Variants in PADI4 observed in about 807,000 individuals in gnomAD.
The protein encoded by PADI4 is peptidyl arginine deiminase 4.
Under a neutral mutation model 75.0 loss-of-function variants are expected in PADI4, and 62 were observed. The observed-to-expected ratio is 0.83, with a 90% CI of 0.67 to 1.02. PADI4 has a LOEUF of 1.02. Ranked by LOEUF, PADI4 falls within the 50% of genes least tolerant of loss-of-function variation. The probability of loss-of-function intolerance (pLI) is 0.00; values close to 1 mark genes in which losing one functional copy is unlikely to be tolerated. For missense variants in PADI4, 845 were observed against 850.5 expected, an observed-to-expected ratio of 0.99 and a Z score of 0.08; for synonymous variants, 361 against 348.1, an observed-to-expected ratio of 1.04 and a Z score of -0.41.
rs2073708235 is a variant in PADI4 at position 17,308,305 on chromosome 1, A to C, written c.83A>C (p.Asp28Ala). ...GTGCTGGGCACCTTGACTCAGCTTGACATCTGCAGGTAAGAGGGGGGCCTT... is the reference window on the plus strand; with the variant it reads ...GTGCTGGGCACCTTGACTCAGCTTGCCATCTGCAGGTAAGAGGGGGGCCTT... ...VCVLGTLTQL[D>A]ICSSAPEDCT... is the part of the protein sequence containing the mutation. Residue 28 changes from aspartate (D) to alanine (A), a missense_variant, in exon 1 of 16, where the codon GAC becomes GCC. Coordinates refer to ENST00000375448, the MANE Select transcript of PADI4 (RefSeq NM_012387.3). 1 of 1,613,744 alleles carries C rather than the reference A, an allele frequency of 6.2e-7. No individual in the cohort carries two copies. Among genetic ancestry groups the C allele is most frequent in the Non-Finnish European group, 8.5e-7 (1 of 1,179,730 alleles).
chr1:17,363,731 C>T lies in PADI4; in HGVS notation c.1968C>T (p.Phe656=). 1 of 1,613,564 alleles carries T rather than the reference C, an allele frequency of 6.2e-7. No homozygotes were observed. The highest frequency in any genetic ancestry group is 1.1e-5 in the South Asian group (1 of 91,080). The change falls in exon 16 of 16, where the codon TTC becomes TTT. Residue 656 remains phenylalanine, a synonymous_variant. Coordinates refer to ENST00000375448, the MANE Select transcript of PADI4 (RefSeq NM_012387.3). ...ACGTGCGCAGAAAGCCCTTCTCCTT[C>T]AAGTGGTGGAACATGGTGCCCTGAG... The part of the protein sequence containing the change: ...GTNVRRKPFS[F]KWWNMVP
intron 10 of PADI4, among the ~76,000 whole-genome samples, chr1:17,352,232 A>T (rs1489308321): frequency 7.2e-6 from 1 of 139,386 alleles, no homozygotes; most frequent in Non-Finnish European, 1.5e-5. Context: ...CAGGGAAGAG[A>T]TGGGAGGTGG....
At chr1:17,349,166 C>T (rs960250072) in intron 10 of PADI4, among the ~76,000 whole-genome samples, 30 of 152,222 alleles carry the variant, frequency 2.0e-4, no homozygotes, top group African/African-American at 4.6e-4. Context: ...TTGGGGCGAA[C>T]CAGCCAGCTG....
At chr1:17,323,310 G>A (rs2074062967) in intron 1 of PADI4, among the ~76,000 whole-genome samples, 2 of 140,220 alleles carry the variant, frequency 1.4e-5, no homozygotes, top group Admixed American at 7.4e-5. Context: ...TATGACAGAA[G>A]TGATATTCCA....
intron 1 of PADI4, among the ~76,000 whole-genome samples, chr1:17,313,843 G>A (rs1292885960): frequency 1.3e-5 from 2 of 152,202 alleles, no homozygotes; most frequent in Admixed American, 1.3e-4. Flanking sequence ...GCTCTGGATG[G>A]TCTTATGATA....
At chr1:17,340,386 G>A (rs2074396352) in intron 6 of PADI4, among the ~76,000 whole-genome samples, 1 of 152,186 alleles carries the variant, frequency 6.6e-6, no homozygotes, top group Non-Finnish European at 1.5e-5. Flanking sequence ...GGGATGTGGA[G>A]TGAGGAGTGG....
intron 15 of PADI4, among the ~76,000 whole-genome samples, chr1:17,362,558 G>A (rs1001764358): frequency 6.6e-6 from 1 of 152,024 alleles, no homozygotes; most frequent in South Asian, 2.1e-4. Flanking sequence ...TGAGAGCGAG[G>A]TGAGGGCTGG....
intron 3 of PADI4, chr1:17,334,934 GAGTTTGAGACC>G (rs1402901581): frequency 4.4e-6 from 1 of 229,042 alleles, no homozygotes; most frequent in Non-Finnish European, 8.8e-6. Flanking sequence ...TTGAGCCCAG[GAGTTTGAGACC>G]AGCCTGGGCA....
chr1:17,360,295 A>G (rs1044775049), intron 15 of PADI4, among the ~76,000 whole-genome samples: 6 of 132,238 alleles, frequency 4.5e-5, no homozygotes, highest in East Asian at 2.0e-4. Context: ...TGTCTCGGGA[A>G]AAAAAAAAAA....
chr1:17,358,695 G>T (rs895816589), intron 13 of PADI4, 143 bp from the exon 14 acceptor site: 1 of 653,476 alleles, frequency 1.5e-6, no homozygotes, highest in East Asian at 2.8e-5. Flanking sequence ...ACTTGCAGAT[G>T]CTCACAGCAA....
In PADI4 at chr1:17,318,364, C is replaced by G. The variant is rs976186673; in HGVS notation, c.92+10050C>G. On this transcript the variant is annotated intron_variant, in intron 1 of 15. Coordinates refer to ENST00000375448, the MANE Select transcript of PADI4 (RefSeq NM_012387.3). ...TCTGTAAAAGAATAACAATGGCTCACTCATAGGATGATTGTGAAAACAAAG... is the reference window on the plus strand; with the variant it reads ...TCTGTAAAAGAATAACAATGGCTCAGTCATAGGATGATTGTGAAAACAAAG... 2.6e-5 allele frequency among the ~76,000 whole-genome samples: 4 copies of G among 152,330 alleles called. No individual in the cohort carries two copies. The East Asian group carries it at 7.7e-4, about 29-fold the overall frequency.
At chr1:17,353,536 G>A (rs2074704314) in intron 10 of PADI4, among the ~76,000 whole-genome samples, 1 of 152,096 alleles carries the variant, frequency 6.6e-6, no homozygotes, top group Non-Finnish European at 1.5e-5. Context: ...GAAGCCTCAG[G>A]GAATGGACCA....
At position 17,359,204 on chromosome 1, in the gene PADI4, C is replaced by T. The variant is rs914927990; in HGVS notation, c.1630-76C>T. The T allele has an allele frequency of 2.8e-6, 3 of 1,067,262 alleles. No individual in the cohort carries two copies. In the East Asian group the frequency reaches 7.6e-5, roughly 27 times the overall value. 66.1% of individuals were successfully genotyped at this position (1,067,262 alleles called of 1,614,324 possible). A position where few individuals can be genotyped will look rare whatever the true frequency, so the allele number is the denominator to read the frequency against. ...GGTCCTACCCTCCGGCAGGGGGCCT[C>T]AGCCCCACACTGTCCCCCACCCCCA... On this transcript the variant is annotated intron_variant, in intron 14 of 15. Coordinates refer to ENST00000375448, the MANE Select transcript of PADI4 (RefSeq NM_012387.3).
chr1:17,324,721 T>G (rs1570005695), intron 1 of PADI4, among the ~76,000 whole-genome samples: 1 of 152,228 alleles, frequency 6.6e-6, no homozygotes, highest in Admixed American at 6.5e-5. Flanking sequence ...AAATATGTTA[T>G]CCTGTATCCT....
chr1:17,347,863 T>A (rs35287029), intron 9 of PADI4, 78 bp from the exon 10 acceptor site: 14,998 of 717,632 alleles, frequency 0.021, 195 homozygotes, highest in Middle Eastern at 0.035. Flanking sequence ...AGTGGATGGT[T>A]TCATGCCCCC....
chr1:17,359,068 A>G (rs1438435456), intron 14 of PADI4, among the ~76,000 whole-genome samples, 160 bp downstream of exon 14: 1 of 152,138 alleles, frequency 6.6e-6, no homozygotes, highest in Admixed American at 6.6e-5. Flanking sequence ...GGAGAGGCTG[A>G]GGGAGCAGAG....
At chr1:17,342,244 G>A (rs2074434118) in intron 7 of PADI4, 55 bp from the exon 8 acceptor site, 1 of 1,420,572 alleles carries the variant, frequency 7.0e-7, no homozygotes, top group African/African-American at 1.4e-5. Context: ...AGTGGTAGGT[G>A]CTGGGCCCTG....
rs375115923 is a variant in PADI4, at chr1:17,336,114, C to T, written c.341-45C>T. Reference sequence around the variant, plus strand: ...TTCAGGGCCAGGCTGGGTGCCCCAACCCCGGACCCTCACCAACCTCTCCTC... The same window carrying T: ...TTCAGGGCCAGGCTGGGTGCCCCAATCCCGGACCCTCACCAACCTCTCCTC... On this transcript the variant is annotated intron_variant, in intron 3 of 15. Transcript: ENST00000375448. 3.5e-6 allele frequency: 5 copies of T among 1,446,460 alleles called. No individual in the cohort carries two copies. In the African/African-American group the frequency reaches 4.2e-5, roughly 12 times the overall value. The allele number at this position is 1,446,460 out of a possible 1,614,324, so 89.6% of individuals were successfully genotyped here.
intron 14 of PADI4, 88 bp from the exon 15 acceptor site, chr1:17,359,192 G>A (rs1466899117): frequency 1.1e-5 from 11 of 979,846 alleles, no homozygotes; most frequent in South Asian, 4.5e-5. Flanking sequence ...CCTACCCTCC[G>A]GCAGGGGGCC....
Sources: allele counts gnomAD v4.1 joint callset (sites outside exome capture counted in the v4.1 genomes callset), GRCh38; gene constraint gnomAD v4.1.1; transcripts MANE v1.5; gene names NCBI Gene and HGNC (gene_info 2026-07-23, HGNC 2026-07-21).